The following TKFC variants were observed in gnomAD, a reference collection of about 807,000 sequenced individuals.
TKFC encodes triokinase/FMN cyclase.
TKFC carries 46 observed loss-of-function variants against 61.0 expected under a neutral mutation model. The observed-to-expected ratio is 0.75, with a 90% CI of 0.60 to 0.96. TKFC has a LOEUF of 0.96. TKFC is among the 50% of genes least tolerant of loss of function. The pLI, the probability that TKFC is intolerant of heterozygous loss-of-function variation, is 0.00. For synonymous variants in TKFC, 314 were observed against 330.1 expected (o/e 0.95, Z 0.53); for missense variants, 715 against 777.5 (o/e 0.92, Z 0.96).
At chr11:61,344,454 C>G (rs907599170) in intron 13 of TKFC, among the ~76,000 whole-genome samples, 181 bp downstream of exon 13, 3 of 143,458 alleles carry the variant, frequency 2.1e-5, no homozygotes, top group Admixed American at 1.4e-4. Flanking sequence ...GTCTCCGCCC[C>G]CCGGGTTCAA....
In TKFC at chr11:61,346,640, A is replaced by G. The variant is rs752755331; in HGVS notation, c.*137A>G. On this transcript the variant is annotated 3_prime_UTR_variant, in exon 18 of 18. Transcript: ENST00000394900. This position sits in a 1 kb window ranked among gnomAD's most constrained non-coding sequence, Gnocchi z 4.1. Reference sequence around the variant, plus strand: ...GCCCACCCTCTAAGTTGAGCAGGAAATCCTCCACCAAGCTTCCAGAACTAC... The same window carrying G: ...GCCCACCCTCTAAGTTGAGCAGGAAGTCCTCCACCAAGCTTCCAGAACTAC... 8.2e-6 allele frequency: 12 copies of G among 1,470,812 alleles called. No individual in the cohort carries two copies. Among genetic ancestry groups the G allele is most frequent in the East Asian group, 2.3e-5 (1 of 42,974 alleles). 91.1% of individuals were successfully genotyped at this position (1,470,812 alleles called of 1,614,324 possible). A position where few individuals can be genotyped will look rare whatever the true frequency, so the allele number is the denominator to read the frequency against.
chr11:61,344,011 C>T, intron 12 of TKFC, 36 bp downstream of exon 12: 6 of 1,607,254 alleles, frequency 3.7e-6, no homozygotes, highest in African/African-American at 1.3e-5. Context: ...GGACAGGCTT[C>T]CCAAAGGATG....
Position 61,348,451 on chromosome 11 carries a change from T to C in TKFC, c.*1948T>C. 1.0e-6 allele frequency: 1 copy of C among 985,456 alleles called. No homozygotes were observed. Among genetic ancestry groups the C allele is most frequent in the South Asian group, 4.7e-5 (1 of 21,286 alleles). The allele number at this position is 985,456 out of a possible 1,614,324, so 61.0% of individuals were successfully genotyped here. A position where few individuals can be genotyped will look rare whatever the true frequency, so the allele number is the denominator to read the frequency against. On this transcript the variant is annotated 3_prime_UTR_variant, in exon 18 of 18. Coordinates refer to ENST00000394900, the MANE Select transcript of TKFC (RefSeq NM_015533.4). ...TTTTACAAATTGGCCCAGAACTCAT[T>C]TAACCACAGCATCATTTCATTAGAG...
At chr11:61,341,569 G>C in intron 6 of TKFC, 55 bp downstream of exon 6, 2 of 1,538,132 alleles carry the variant, frequency 1.3e-6, no homozygotes, top group Non-Finnish European at 1.8e-6. Context: ...GACAGCCCTG[G>C]GGCGAGGAGC....
Position 61,346,185 on chromosome 11 carries a change from G to A in TKFC, c.1576-166G>A, listed in dbSNP as rs1565059111. On this transcript the variant is annotated intron_variant, in intron 17 of 17. Transcript: ENST00000394900. This position sits in a 1 kb window ranked among gnomAD's most constrained non-coding sequence, Gnocchi z 4.1. ...ATGGTGACCCTTTTCCCTGCTGGAA[G>A]TAGATGAGAAGTGACTTTCCATTTG... 1 of 1,480,400 alleles carries A rather than the reference G, an allele frequency of 6.8e-7. No homozygotes were observed. The highest frequency in any genetic ancestry group is 2.3e-5 in the East Asian group (1 of 42,828). The allele number at this position is 1,480,400 out of a possible 1,614,324, so 91.7% of individuals were successfully genotyped here.
intron 11 of TKFC, 112 bp from the exon 12 acceptor site, chr11:61,343,744 C>T: frequency 6.8e-7 from 1 of 1,479,108 alleles, no homozygotes; most frequent in South Asian, 1.3e-5. Flanking sequence ...GACTCCCTTC[C>T]TCCAGGGCTG....
chr11:61,334,881 C>A, intron 2 of TKFC, 150 bp downstream of exon 2: 2 of 1,220,922 alleles, frequency 1.6e-6, no homozygotes, highest in Admixed American at 2.0e-5. Flanking sequence ...TCCTCTCTCC[C>A]AGGGTCTGAT....
chr11:61,339,513 C>T lies in TKFC; in HGVS notation c.486+78C>T. On this transcript the variant is annotated intron_variant, in intron 5 of 17. Coordinates refer to ENST00000394900, the MANE Select transcript of TKFC (RefSeq NM_015533.4). The stretch of plus-strand genomic sequence containing the variant: ...TGCCTGGCAGCACCCAGTAACTGGA[C>T]CTTTCCAGCCCTTCCCCAAGAAGCT... The T allele has an allele frequency of 2.1e-6, 3 of 1,434,604 alleles. No homozygotes were observed. The East Asian group carries it at 7.0e-5, about 33-fold the overall frequency. The allele number at this position is 1,434,604 out of a possible 1,614,324, so 88.9% of individuals were successfully genotyped here.
chr11:61,338,986 AC>A, intron 3 of TKFC, 79 bp from the exon 4 acceptor site: 2 of 1,239,288 alleles, frequency 1.6e-6, no homozygotes, highest in Non-Finnish European at 2.3e-6. Context: ...CCAAACCATG[AC>A]CCCCGGAGTG....
At chr11:61,338,241 C>A (rs1856698507) in intron 3 of TKFC, 111 bp downstream of exon 3, 1 of 1,079,004 alleles carries the variant, frequency 9.3e-7, no homozygotes, top group East Asian at 3.0e-5. Context: ...GAATCAGGAA[C>A]TGGGGTACTT....
chr11:61,342,610 G>C lies in TKFC; in HGVS notation c.727G>C (p.Asp243His), dbSNP rs758305865. Residue 243 changes from aspartate to histidine, a missense_variant, in exon 9 of 18, where the codon GAC becomes CAC. By Grantham distance (81) the Asp-to-His change is moderately conservative. Transcript: ENST00000394900. ...TADEIVKLML[D>H]HMTNTTNASH... Reference sequence around the variant, plus strand: ...CGATGAGATTGTGAAACTCATGCTCGACCACATGACAAACACCACCAACGC... The same window carrying C: ...CGATGAGATTGTGAAACTCATGCTCCACCACATGACAAACACCACCAACGC... 3.7e-6 allele frequency: 6 copies of C among 1,613,834 alleles called. No individual in the cohort carries two copies. Among genetic ancestry groups the C allele is most frequent in the Non-Finnish European group, 5.1e-6 (6 of 1,180,026 alleles).
rs1258424722 is a variant in TKFC, at chr11:61,340,223, G to A, written c.486+788G>A. Among the ~76,000 whole-genome samples the A allele has an allele frequency of 3.3e-5, 5 of 151,958 alleles. No individual in the cohort carries two copies. The East Asian group carries it at 7.7e-4, about 23-fold the overall frequency. On this transcript the variant is annotated intron_variant, in intron 5 of 17. Coordinates refer to ENST00000394900, the MANE Select transcript of TKFC (RefSeq NM_015533.4). ...GATGTGGTTTCACCATGTTGGCCAG[G>A]CTGGCCTCGAACTCCTGACCTCAAG...
chr11:61,342,384 T>C (rs932585117), intron 7 of TKFC, 77 bp from the exon 8 acceptor site: 4 of 1,591,504 alleles, frequency 2.5e-6, no homozygotes, highest in African/African-American at 1.3e-5. Context: ...AGTCCAGCAC[T>C]GTGTGAGTCC....
At chr11:61,339,481 C>G in intron 5 of TKFC, 46 bp downstream of exon 5, 1 of 1,550,642 alleles carries the variant, frequency 6.4e-7, no homozygotes, top group South Asian at 1.2e-5. Context: ...CCTTTCCAGC[C>G]TTCCCTTGCC....
At chr11:61,340,807 GC>G (rs1856820994) in intron 5 of TKFC, among the ~76,000 whole-genome samples, 2 of 152,092 alleles carry the variant, frequency 1.3e-5, no homozygotes. Flanking sequence ...TTCTACAGAG[GC>G]CCAGCTCTGA....
Position 61,342,603 on chromosome 11 carries a change from C to CA in TKFC, c.721dup (p.Met241AsnfsTer81). Reference sequence around the variant, plus strand: ...CAACCGCCGATGAGATTGTGAAACTCATGCTCGACCACATGACAAACACCA... The same window carrying CA: ...CAACCGCCGATGAGATTGTGAAACTCAATGCTCGACCACATGACAAACACCA... On this transcript the variant is annotated frameshift_variant, in exon 9 of 18. Coordinates refer to ENST00000394900, the MANE Select transcript of TKFC (RefSeq NM_015533.4). LOFTEE classifies it high-confidence loss of function. The CA allele has an allele frequency of 2.5e-6, 4 of 1,614,074 alleles. No individual in the cohort carries two copies. The highest frequency in any genetic ancestry group is 3.4e-6 in the Non-Finnish European group (4 of 1,180,032).
chr11:61,350,263 C>G (rs1430552517), downstream of TKFC: 20 of 1,201,860 alleles, frequency 1.7e-5, no homozygotes, highest in Non-Finnish European at 7.0e-6. Context: ...AGGCCAGCAC[C>G]CAGGCAAGAA....
At position 61,346,047 on chromosome 11, in the gene TKFC, C is replaced by A; in HGVS notation, c.1575+101C>A. 1.5e-6 allele frequency: 2 copies of A among 1,297,498 alleles called. No individual in the cohort carries two copies. The highest frequency in any genetic ancestry group is 2.1e-6 in the Non-Finnish European group (2 of 935,484). The allele number at this position is 1,297,498 out of a possible 1,614,324, so 80.4% of individuals were successfully genotyped here. On this transcript the variant is annotated intron_variant, in intron 17 of 17. Transcript: ENST00000394900. The surrounding 1 kb of genome is among the most constrained non-coding windows in gnomAD (Gnocchi z 4.1). ...GCAAGTTAATAACCTTCCTGGACCG[C>A]AGTTTCCTTCTCTGTACAATGGAGA...
rs1263626930 is a variant in TKFC, at chr11:61,345,890, C to T, written c.1519C>T (p.Gln507Ter). Residue 507 changes from glutamine (Q) to a stop codon, truncating the protein, a stop_gained, in exon 17 of 18, where the codon CAA becomes TAA. Transcript: ENST00000394900. LOFTEE classifies it high-confidence loss of function. ...DSLWAAGQELQAWKSPGADLL... is the reference protein window; with the variant it reads ...DSLWAAGQEL ...TCTGTGGGCAGCGGGGCAGGAGCTC[C>T]AAGCCTGGAAGAGCCCAGGAGCTGA... 1.2e-6 allele frequency: 2 copies of T among 1,614,026 alleles called. No homozygotes were observed. Among genetic ancestry groups the T allele is most frequent in the Non-Finnish European group, 1.7e-6 (2 of 1,180,048 alleles).
Sources: allele counts gnomAD v4.1 joint callset (sites outside exome capture counted in the v4.1 genomes callset), GRCh38; gene constraint gnomAD v4.1.1; non-coding constraint Gnocchi (gnomAD v3.1); transcripts MANE v1.5; gene names NCBI Gene and HGNC (gene_info 2026-07-23, HGNC 2026-07-21).